Variants in CPED1 observed in about 807,000 individuals in gnomAD.
The protein encoded by CPED1 is cadherin like and PC-esterase domain containing 1.
CPED1 carries 114 observed loss-of-function variants against 128.2 expected under a neutral mutation model. The observed-to-expected ratio is 0.89, with a 90% CI of 0.76 to 1.04. The LOEUF (loss-of-function observed/expected upper bound fraction) is 1.04. Among genes scored for constraint, CPED1 ranks in the 50% least tolerant of loss-of-function variants. The pLI, the probability that CPED1 is intolerant of heterozygous loss-of-function variation, is 0.00. For missense variants in CPED1, 1,211 were observed against 1,207.1 expected (o/e 1.00, Z -0.05); for synonymous variants, 462 against 426.7 (o/e 1.08, Z -1.02).
intron 18 of CPED1, among the ~76,000 whole-genome samples, chr7:121,246,915 T>C (rs1798553153): frequency 6.6e-6 from 1 of 152,216 alleles, no homozygotes; most frequent in Non-Finnish European, 1.5e-5. Flanking sequence ...CAGGTGTTCT[T>C]CAGAACTTGC....
At chr7:121,003,441 C>A (rs1791918640) in intron 2 of CPED1, among the ~76,000 whole-genome samples, 1 of 152,182 alleles carries the variant, frequency 6.6e-6, no homozygotes, top group African/African-American at 2.4e-5. Flanking sequence ...GACTTGAAAA[C>A]TTGATATCAG....
intron 22 of CPED1, among the ~76,000 whole-genome samples, chr7:121,293,701 G>A (rs1332442805): frequency 1.3e-5 from 2 of 152,072 alleles, no homozygotes; most frequent in Non-Finnish European, 2.9e-5. Flanking sequence ...ATAGTATCTG[G>A]GCTGGATAGC....
At chr7:121,280,142 G>A (rs905638162) in intron 22 of CPED1, among the ~76,000 whole-genome samples, 2 of 152,130 alleles carry the variant, frequency 1.3e-5, no homozygotes, top group Admixed American at 6.6e-5. Context: ...GTGTGTTAAC[G>A]TCCAATAGAT....
intron 18 of CPED1, among the ~76,000 whole-genome samples, chr7:121,258,043 C>T (rs1343359540): frequency 1.3e-5 from 2 of 152,126 alleles, no homozygotes; most frequent in South Asian, 2.1e-4. Context: ...GGCTGGCAAT[C>T]AGGAAGCCTA....
At chr7:121,270,679 G>A (rs577660232) in intron 21 of CPED1, among the ~76,000 whole-genome samples, 1 of 152,104 alleles carries the variant, frequency 6.6e-6, no homozygotes, top group East Asian at 1.9e-4. Context: ...GTTGAAATAA[G>A]TTGGTTATAG....
At chr7:121,076,278 C>T (rs1472889271) in intron 5 of CPED1, among the ~76,000 whole-genome samples, 1 of 152,116 alleles carries the variant, frequency 6.6e-6, no homozygotes, top group African/African-American at 2.4e-5. Context: ...TATAATTCCC[C>T]ACTCCTGCGA....
chr7:121,003,730 G>C (rs984057052), intron 2 of CPED1, among the ~76,000 whole-genome samples: 1 of 152,182 alleles, frequency 6.6e-6, no homozygotes, highest in African/African-American at 2.4e-5. Context: ...TCGAGGGAAA[G>C]CATGGGAGGG....
intron 2 of CPED1, among the ~76,000 whole-genome samples, chr7:121,000,321 C>T (rs1213172131): frequency 2.0e-5 from 3 of 152,122 alleles, no homozygotes; most frequent in Non-Finnish European, 4.4e-5. Flanking sequence ...TTTTTGGAGA[C>T]TTGTTCAAAA....
intron 3 of CPED1, among the ~76,000 whole-genome samples, chr7:121,030,304 G>C (rs1016028442): frequency 6.6e-6 from 1 of 152,164 alleles, no homozygotes; most frequent in Non-Finnish European, 1.5e-5. Context: ...AGCCTTTATT[G>C]AGTACAGTAT....
At chr7:121,128,227 T>C (rs955098575) in intron 10 of CPED1, among the ~76,000 whole-genome samples, 155 bp from the exon 11 acceptor site, 2 of 152,196 alleles carry the variant, frequency 1.3e-5, no homozygotes, top group Non-Finnish European at 2.9e-5. Context: ...GACACCACTG[T>C]GACAAGTTGA....
chr7:121,149,386 A>G (rs1000113847), intron 16 of CPED1, among the ~76,000 whole-genome samples: 3 of 152,216 alleles, frequency 2.0e-5, no homozygotes, highest in Non-Finnish European at 4.4e-5. Flanking sequence ...CAGCACTTAT[A>G]TAAATTATCT....
chr7:121,244,302 T>G lies in CPED1; in HGVS notation c.2274T>G (p.Thr758=), dbSNP rs1286505445. Residue 758 remains threonine, a synonymous_variant, in exon 18 of 23, where the codon ACT becomes ACG. Transcript: ENST00000310396. ...ACAACTGCCAATATGGTGTCCTAAC[T>G]AAGCCTCAACTCCAGCAGTGCCTGG... ...QPHNCQYGVL[T]KPQLQQCLGG... 1.2e-6 allele frequency: 2 copies of G among 1,614,098 alleles called. No individual in the cohort carries two copies. Among genetic ancestry groups the G allele is most frequent in the Non-Finnish European group, 1.7e-6 (2 of 1,180,012 alleles).
intron 22 of CPED1, among the ~76,000 whole-genome samples, chr7:121,286,382 G>T (rs1224193274): frequency 6.6e-6 from 1 of 152,260 alleles, no homozygotes; most frequent in East Asian, 1.9e-4. Context: ...CAGCCTCAAG[G>T]TTCTTTCCCC....
chr7:121,068,969 T>A (rs1455763819), intron 5 of CPED1, among the ~76,000 whole-genome samples: 3 of 152,106 alleles, frequency 2.0e-5, no homozygotes, highest in African/African-American at 7.2e-5. Flanking sequence ...CTTAGGAAGT[T>A]TGAATCTTTA....
chr7:121,011,429 A>G (rs529750239), intron 2 of CPED1, among the ~76,000 whole-genome samples: 4 of 152,322 alleles, frequency 2.6e-5, no homozygotes, highest in African/African-American at 7.2e-5. Flanking sequence ...TTACAATTCT[A>G]TTGAAATAAA....
intron 5 of CPED1, among the ~76,000 whole-genome samples, chr7:121,079,172 G>C (rs1584496287): frequency 1.3e-5 from 2 of 152,230 alleles, no homozygotes; most frequent in Admixed American, 1.3e-4. Context: ...TATAAATATG[G>C]GGGAGGAACA....
intron 22 of CPED1, among the ~76,000 whole-genome samples, chr7:121,275,650 C>A (rs936205590): frequency 6.6e-6 from 1 of 152,098 alleles, no homozygotes; most frequent in Admixed American, 6.6e-5. Context: ...GCTTTTGACT[C>A]AGTCAACAAA....
At chr7:121,183,802 A>G (rs942086321) in intron 16 of CPED1, among the ~76,000 whole-genome samples, 1 of 152,202 alleles carries the variant, frequency 6.6e-6, no homozygotes, top group African/African-American at 2.4e-5. Context: ...TAACTGGAAA[A>G]GTATTAGACT....
chr7:121,230,699 G>C (rs1018998284), intron 16 of CPED1, among the ~76,000 whole-genome samples: 1 of 152,028 alleles, frequency 6.6e-6, no homozygotes, highest in Non-Finnish European at 1.5e-5. Flanking sequence ...GAAGAAACAA[G>C]AGAGGAGAAA....
Sources: allele counts gnomAD v4.1 joint callset (sites outside exome capture counted in the v4.1 genomes callset), GRCh38; gene constraint gnomAD v4.1.1; transcripts MANE v1.5; gene names NCBI Gene and HGNC (gene_info 2026-07-23, HGNC 2026-07-21).